The following TLR10 variants were observed in gnomAD, a reference collection of about 807,000 sequenced individuals.
The protein encoded by TLR10 is toll-like receptor 10.
For missense variants in TLR10, 929 were observed against 932.9 expected, an observed-to-expected ratio of 1.00 and a Z score of 0.05; for synonymous variants, 288 against 338.8, an observed-to-expected ratio of 0.85 and a Z score of 1.65.
rs746806600 is a variant in TLR10, at chr4:38,775,502, A to G, written c.89T>C (p.Leu30Pro). The change falls in exon 4 of 4, where the codon CTG becomes CCG. Residue 30 changes from leucine (L) to proline (P), a missense_variant. Coordinates refer to ENST00000308973, the MANE Select transcript of TLR10 (RefSeq NM_030956.4). ...DAPELPEERE[L>P]MTNCSNMSLR... is the part of the protein sequence containing the mutation. ...AGACATGTTGGAGCAGTTGGTCATC[A>G]GTTCCCTTTCTTCTGGCAGCTCTGG... The G allele has an allele frequency of 6.2e-7, 1 of 1,614,168 alleles. No homozygotes were observed. Among genetic ancestry groups the G allele is most frequent in the South Asian group, 1.1e-5 (1 of 91,086 alleles).
In TLR10 at chr4:38,773,846, G is replaced by T. The variant is rs1370052399; in HGVS notation, c.1745C>A (p.Thr582Asn). ...LSCNTALLIVTIVVIMLVLGL... is the reference protein window; with the variant it reads ...LSCNTALLIVNIVVIMLVLGL... ...CAGAACTAGCATAATAACCACAATG[G>T]TGACAATCAACAGAGCTGTGTTGCA... Residue 582 changes from threonine to asparagine, a missense_variant, in exon 4 of 4, where the codon ACC (threonine) becomes AAC (asparagine). Thr to Asn is a moderately conservative substitution (Grantham distance 65). Transcript: ENST00000308973. 2 of 1,588,150 alleles carry T rather than the reference G, an allele frequency of 1.3e-6. No individual in the cohort carries two copies. Among genetic ancestry groups the T allele is most frequent in the Admixed American group, 3.6e-5 (2 of 55,574 alleles).
intron 1 of TLR10, among the ~76,000 whole-genome samples, 174 bp downstream of exon 1, chr4:38,782,747 T>C (rs113893085): frequency 0.062 from 9,441 of 152,278 alleles, 390 homozygotes; most frequent in South Asian, 0.13. Context: ...CTCAGATCAA[T>C]AGCCCCAAGG....
chr4:38,782,642 G>C (rs1725481320), intron 1 of TLR10, among the ~76,000 whole-genome samples: 1 of 152,188 alleles, frequency 6.6e-6, no homozygotes, highest in African/African-American at 2.4e-5. Context: ...TTGCCACAGT[G>C]CATAGGACCG....
In TLR10 at chr4:38,774,041, A is replaced by T. The variant is rs778053938; in HGVS notation, c.1550T>A (p.Leu517Gln). Residue 517 changes from leucine (L) to glutamine (Q), a missense_variant, in exon 4 of 4, where the codon CTA (leucine) becomes CAA (glutamine). Physicochemically the swap from Leu to Gln is moderately radical, Grantham distance 113. Coordinates refer to ENST00000308973, the MANE Select transcript of TLR10 (RefSeq NM_030956.4). ...FVQSCQEVKT[L>Q]NAGRNPFRCT... Reference sequence around the variant, plus strand: ...CCGGAATGGATTTCTTCCCGCATTTAGAGTTTTAACTTCCTGGCAGCTCTG... The same window carrying T: ...CCGGAATGGATTTCTTCCCGCATTTTGAGTTTTAACTTCCTGGCAGCTCTG... The T allele has an allele frequency of 2.5e-6, 4 of 1,610,122 alleles. No individual in the cohort carries two copies. In the East Asian group the frequency reaches 8.9e-5, roughly 36 times the overall value.
Position 38,774,820 on chromosome 4 carries a change from G to A in TLR10, c.771C>T (p.Asp257=), listed in dbSNP as rs142915965. The A allele has an allele frequency of 3.9e-4, 622 of 1,593,628 alleles. 1 individual carries two copies. The African/African-American group carries it at 7.1e-3, about 18-fold the overall frequency. ...CAAATTGTAAGATAAGGAAAAGGTC[G>A]TCCCAGAGTAAATCAACTTTATTAA... ...LLLNKVDLLW[D]DLFLILQFVW... Residue 257 remains aspartate, a synonymous_variant, in exon 4 of 4, where the codon GAC becomes GAT. Coordinates refer to ENST00000308973, the MANE Select transcript of TLR10 (RefSeq NM_030956.4).
chr4:38,773,126 G>T lies in TLR10; in HGVS notation c.*29C>A. 6.7e-7 allele frequency: 1 copy of T among 1,501,592 alleles called. No homozygotes were observed. The highest frequency in any genetic ancestry group is 1.8e-4 in the Middle Eastern group (1 of 5,572). 93.0% of individuals were successfully genotyped at this position (1,501,592 alleles called of 1,614,324 possible). A position where few individuals can be genotyped will look rare whatever the true frequency, so the allele number is the denominator to read the frequency against. On this transcript the variant is annotated 3_prime_UTR_variant, in exon 4 of 4. Coordinates refer to ENST00000308973, the MANE Select transcript of TLR10 (RefSeq NM_030956.4). Reference sequence around the variant, plus strand: ...AATGTACATCCCAACAGTGTATGTGGTCCCCAACTTCCCAAGGACTGTGGG... The same window carrying T: ...AATGTACATCCCAACAGTGTATGTGTTCCCCAACTTCCCAAGGACTGTGGG...
Position 38,774,059 on chromosome 4 carries a change from C to T in TLR10, c.1532G>A (p.Cys511Tyr), listed in dbSNP as rs1486336567. The T allele has an allele frequency of 5.0e-6, 8 of 1,612,206 alleles. No individual in the cohort carries two copies. In the South Asian group the frequency reaches 7.7e-5, roughly 16 times the overall value. The change falls in exon 4 of 4, where the codon TGC (cysteine) becomes TAC (tyrosine). Residue 511 changes from cysteine (C) to tyrosine (Y), a missense_variant. Cys to Tyr is a radical substitution (Grantham distance 194). Coordinates refer to ENST00000308973, the MANE Select transcript of TLR10 (RefSeq NM_030956.4). The stretch of plus-strand genomic sequence containing the variant: ...CGCATTTAGAGTTTTAACTTCCTGG[C>T]AGCTCTGAACAAAATCCAGAGATGG... ...LSPSLDFVQS[C>Y]QEVKTLNAGR...
Position 38,776,268 on chromosome 4 carries a change from C to G in TLR10, c.-410G>C, listed in dbSNP as rs1386243055. On this transcript the variant is annotated 5_prime_UTR_variant, in exon 2 of 4. Coordinates refer to ENST00000308973, the MANE Select transcript of TLR10 (RefSeq NM_030956.4). ...TCCAGGTGTGACATGTTGCCAGCTTCTCCACAGATAGGCATGGTGTTAGTC... is the reference window on the plus strand; with the variant it reads ...TCCAGGTGTGACATGTTGCCAGCTTGTCCACAGATAGGCATGGTGTTAGTC... 4.5e-6 allele frequency: 1 copy of G among 221,394 alleles called. No individual in the cohort carries two copies. The highest frequency in any genetic ancestry group is 9.7e-6 in the Non-Finnish European group (1 of 103,200). 13.7% of individuals were successfully genotyped at this position (221,394 alleles called of 1,614,324 possible). A position where few individuals can be genotyped will look rare whatever the true frequency, so the allele number is the denominator to read the frequency against.
chr4:38,775,000 T>C lies in TLR10; in HGVS notation c.591A>G (p.Leu197=), dbSNP rs766493203. The part of the protein sequence containing the change: ...ILNTTKLHIV[L]PMDTNFWVLL... ...GAACCCAGAAATTTGTGTCCATTGG[T>C]AAAACAATGTGCAGTTTTGTTGTGT... Residue 197 remains leucine (L), a synonymous_variant, in exon 4 of 4, where the codon TTA becomes TTG. Coordinates refer to ENST00000308973, the MANE Select transcript of TLR10 (RefSeq NM_030956.4). 1 of 1,613,348 alleles carries C rather than the reference T, an allele frequency of 6.2e-7. No homozygotes were observed. The highest frequency in any genetic ancestry group is 8.5e-7 in the Non-Finnish European group (1 of 1,179,812).
At chr4:38,782,343 G>A (rs4321646) in intron 1 of TLR10, among the ~76,000 whole-genome samples, 22,446 of 152,154 alleles carry the variant, frequency 0.15, 2,849 homozygotes, top group African/African-American at 0.35. Context: ...TAATAGCTCA[G>A]TGTAGGTGGT....
In TLR10 at chr4:38,774,533, A is replaced by T; in HGVS notation, c.1058T>A (p.Leu353Ter). The part of the protein sequence containing the change: ...FPNYPTKFQY[L>*]NFANNILTDE... ...TGTTAAGATATTATTGGCAAAATTT[A>T]AATATTGGAATTTCGTAGGATAATT... Residue 353 changes from leucine to a stop codon, truncating the protein, a stop_gained, in exon 4 of 4, where the codon TTA becomes TAA. Coordinates refer to ENST00000308973, the MANE Select transcript of TLR10 (RefSeq NM_030956.4). LOFTEE classifies it low-confidence loss of function (END_TRUNC). 1 of 1,585,604 alleles carries T rather than the reference A, an allele frequency of 6.3e-7. No homozygotes were observed. The highest frequency in any genetic ancestry group is 8.6e-7 in the Non-Finnish European group (1 of 1,169,552).
Position 38,775,507 on chromosome 4 carries a change from C to T in TLR10, c.84G>A (p.Arg28=). ...EGDAPELPEE[R]ELMTNCSNMS... is the part of the protein sequence containing the mutation. Reference sequence around the variant, plus strand: ...TGTTGGAGCAGTTGGTCATCAGTTCCCTTTCTTCTGGCAGCTCTGGAGCAT... The same window carrying T: ...TGTTGGAGCAGTTGGTCATCAGTTCTCTTTCTTCTGGCAGCTCTGGAGCAT... The change falls in exon 4 of 4, where the codon AGG becomes AGA. Residue 28 remains arginine, a synonymous_variant. Coordinates refer to ENST00000308973, the MANE Select transcript of TLR10 (RefSeq NM_030956.4). 6.2e-7 allele frequency: 1 copy of T among 1,614,056 alleles called. No individual in the cohort carries two copies. The highest frequency in any genetic ancestry group is 8.5e-7 in the Non-Finnish European group (1 of 1,180,016).
Position 38,773,268 on chromosome 4 carries a change from T to C in TLR10, c.2323A>G (p.Ile775Val), listed in dbSNP as rs4129009. The change falls in exon 4 of 4, where the codon ATT becomes GTT. Residue 775 changes from isoleucine to valine, a missense_variant. Physicochemically the swap from Ile to Val is conservative, Grantham distance 29. Transcript: ENST00000308973. ...GLFWANLRAA[I>V]NVNVLATREM... ...CTGGTGGCTAATACATTAACATTAATAGCAGCTCGAAGGTTTGCCCAGAAA... is the reference window on the plus strand; with the variant it reads ...CTGGTGGCTAATACATTAACATTAACAGCAGCTCGAAGGTTTGCCCAGAAA... 260,352 of 1,611,796 alleles carry C rather than the reference T, an allele frequency of 0.16. 23,983 individuals are homozygous for C. The highest frequency in any genetic ancestry group is 0.34 in the East Asian group (15,168 of 44,846).
Position 38,774,117 on chromosome 4 carries a change from C to T in TLR10, c.1474G>A (p.Val492Ile), listed in dbSNP as rs757999020. 4 of 1,611,098 alleles carry T rather than the reference C, an allele frequency of 2.5e-6. No homozygotes were observed. Among genetic ancestry groups the T allele is most frequent in the Non-Finnish European group, 3.4e-6 (4 of 1,177,908 alleles). Residue 492 changes from valine (V) to isoleucine (I), a missense_variant, in exon 4 of 4, where the codon GTT (valine) becomes ATT (isoleucine). By Grantham distance (29) the Val-to-Ile change is conservative (BLOSUM62 3). Transcript: ENST00000308973. ...ATGAAGTTCATTTCAATGTTCAGAA[C>T]TGAAAGTCTACTGAAATGACTGCAT... ...PGCSHFSRLS[V>I]LNIEMNFILS...
At position 38,774,732 on chromosome 4, in the gene TLR10, G is replaced by C. The variant is rs1215909516; in HGVS notation, c.859C>G (p.Leu287Val). 1.3e-6 allele frequency: 2 copies of C among 1,596,396 alleles called. No individual in the cohort carries two copies. Among genetic ancestry groups the C allele is most frequent in the South Asian group, 1.1e-5 (1 of 87,288 alleles). ...RNVTFGGKAY[L>V]DHNSFDYSNT... ...GAGTAGTCAAATGAATTGTGGTCAA[G>C]ATAAGCCTTACCACCAAAAGTCACA... Residue 287 changes from leucine (L) to valine (V), a missense_variant, in exon 4 of 4, where the codon CTT becomes GTT. Transcript: ENST00000308973.
At chr4:38,777,892 G>T (rs10012859) in intron 1 of TLR10, among the ~76,000 whole-genome samples, 1 of 152,120 alleles carries the variant, frequency 6.6e-6, no homozygotes, top group Non-Finnish European at 1.5e-5. Flanking sequence ...ACAATGTGGC[G>T]ATTCCTCAAG....
Position 38,775,224 on chromosome 4 carries a change from C to A in TLR10, c.367G>T (p.Asp123Tyr). Reference sequence around the variant, plus strand: ...GTGTCAAAGTCATTAAAAGAAAGATCTAAATACCTGAGACCTGCCAGTAAA... The same window carrying A: ...GTGTCAAAGTCATTAAAAGAAAGATATAAATACCTGAGACCTGCCAGTAAA... ...WYLLAGLRYLDLSFNDFDTMP... is the reference protein window; with the variant it reads ...WYLLAGLRYLYLSFNDFDTMP... The change falls in exon 4 of 4, where the codon GAT (aspartate) becomes TAT (tyrosine). Residue 123 changes from aspartate to tyrosine, a missense_variant. Coordinates refer to ENST00000308973, the MANE Select transcript of TLR10 (RefSeq NM_030956.4). 2 of 1,612,894 alleles carry A rather than the reference C, an allele frequency of 1.2e-6. No individual in the cohort carries two copies. The highest frequency in any genetic ancestry group is 2.7e-5 in the African/African-American group (2 of 74,888).
Position 38,774,451 on chromosome 4 carries a change from A to T in TLR10, c.1140T>A (p.Asn380Lys), listed in dbSNP as rs151335708. 1.2e-6 allele frequency: 2 copies of T among 1,611,780 alleles called. No individual in the cohort carries two copies. The highest frequency in any genetic ancestry group is 2.2e-5 in the South Asian group (2 of 90,314). Residue 380 changes from asparagine (N) to lysine (K), a missense_variant, in exon 4 of 4, where the codon AAT (asparagine) becomes AAA (lysine). Physicochemically the swap from Asn to Lys is moderately conservative, Grantham distance 94 (BLOSUM62 0). Transcript: ENST00000308973. ...AAGAAAGTGTCTCCAGTTTATTGCC[A>T]TTCAAAATGAGAGTTTTCAAGTGAG... ...QLPHLKTLIL[N>K]GNKLETLSLV... is the part of the protein sequence containing the mutation.
chr4:38,779,838 G>A (rs7698870), intron 1 of TLR10, among the ~76,000 whole-genome samples: 16,792 of 151,842 alleles, frequency 0.11, 1,708 homozygotes, highest in African/African-American at 0.25. Context: ...TCATTTGCTT[G>A]TCACCTGTCC....
Sources: allele counts gnomAD v4.1 joint callset (sites outside exome capture counted in the v4.1 genomes callset), GRCh38; gene constraint gnomAD v4.1.1; transcripts MANE v1.5; gene names NCBI Gene and HGNC (gene_info 2026-07-23, HGNC 2026-07-21).